CSMD1: variants seen among roughly 807,000 people sequenced by gnomAD.
CSMD1 encodes CUB and Sushi multiple domains 1, also known as CUB and sushi domain-containing protein 1.
Under a neutral mutation model 417.5 loss-of-function variants are expected in CSMD1, and 213 were observed. The observed-to-expected ratio is 0.51, with a 90% CI of 0.46 to 0.57. CSMD1 has a LOEUF of 0.57. Ranked by LOEUF, CSMD1 falls within the 20% of genes least tolerant of loss-of-function variation. The pLI is 0.00. For missense variants in CSMD1, 6,923 were observed against 4,529.7 expected, an observed-to-expected ratio of 1.53 and a Z score of -15.17; for synonymous variants, 2,862 against 1,736.8, an observed-to-expected ratio of 1.65 and a Z score of -16.11.
At chr8:4,405,730 A>G (rs1170547362) in intron 3 of CSMD1, among the ~76,000 whole-genome samples, 1 of 152,200 alleles carries the variant, frequency 6.6e-6, no homozygotes, top group East Asian at 1.9e-4. Context: ...ACCATCTTTG[A>G]AGTTAGTGCA....
At chr8:4,775,368 G>A (rs756250322) in intron 1 of CSMD1, among the ~76,000 whole-genome samples, 1 of 152,144 alleles carries the variant, frequency 6.6e-6, no homozygotes, top group Non-Finnish European at 1.5e-5. Context: ...ATAGAAAAGT[G>A]TTATTCAAAG....
At chr8:3,072,214 G>C (rs1288573645) in intron 49 of CSMD1, among the ~76,000 whole-genome samples, 1 of 152,152 alleles carries the variant, frequency 6.6e-6, no homozygotes, top group Non-Finnish European at 1.5e-5. Flanking sequence ...GAGGTCGAAA[G>C]TTTTGTTTAC....
At chr8:3,625,204 T>A (rs1796436439) in intron 7 of CSMD1, among the ~76,000 whole-genome samples, 1 of 152,220 alleles carries the variant, frequency 6.6e-6, no homozygotes, top group Non-Finnish European at 1.5e-5. Flanking sequence ...TGTTGACACT[T>A]GGATGATAAA....
intron 5 of CSMD1, among the ~76,000 whole-genome samples, chr8:3,996,885 G>C (rs778065658): frequency 6.6e-6 from 1 of 152,142 alleles, no homozygotes. Context: ...TCCAATAATC[G>C]GTTTAAAACA....
intron 12 of CSMD1, among the ~76,000 whole-genome samples, chr8:3,443,021 TTAAAA>T (rs1815089744): frequency 1.3e-5 from 2 of 152,222 alleles, no homozygotes; most frequent in Non-Finnish European, 2.9e-5. Context: ...ATATTTCTGT[TTAAAA>T]TGATAATTAC....
At chr8:3,521,490 T>C (rs935901476) in intron 10 of CSMD1, among the ~76,000 whole-genome samples, 3 of 152,170 alleles carry the variant, frequency 2.0e-5, no homozygotes, top group Non-Finnish European at 4.4e-5. Context: ...CTTGCTGTGG[T>C]CATGCCGGTC....
chr8:4,797,977 T>A (rs533290127), intron 1 of CSMD1, among the ~76,000 whole-genome samples: 99 of 152,276 alleles, frequency 6.5e-4, no homozygotes, highest in Non-Finnish European at 1.3e-3. Context: ...CCCAAATGCA[T>A]CTATGCAAAA....
chr8:4,226,904 TTTG>T (rs1185640487), intron 3 of CSMD1, among the ~76,000 whole-genome samples: 1 of 152,182 alleles, frequency 6.6e-6, no homozygotes, highest in Non-Finnish European at 1.5e-5. Flanking sequence ...TAAAGGATTT[TTTG>T]TTGTTGTTGT....
In CSMD1 at chr8:3,901,543, G is replaced by A. The variant is rs571454994; in HGVS notation, c.818+96360C>T. Among the ~76,000 whole-genome samples the A allele has an allele frequency of 5.9e-5, 9 of 152,300 alleles. No homozygotes were observed. In the East Asian group the frequency reaches 7.7e-4, roughly 13 times the overall value. ...TTTGGAACATGTACACCAACCTGCC[G>A]ATCACGTTTGCTCATAAAGTAGAGT... On this transcript the variant is annotated intron_variant, in intron 5 of 69. Coordinates refer to ENST00000635120, the MANE Select transcript of CSMD1 (RefSeq NM_033225.6).
intron 29 of CSMD1, among the ~76,000 whole-genome samples, chr8:3,217,735 T>G (rs962433024): frequency 5.3e-5 from 8 of 152,176 alleles, no homozygotes; most frequent in Admixed American, 5.2e-4. Flanking sequence ...TTGTACATTT[T>G]AGTAAATACC....
At chr8:3,255,508 G>A (rs1800584279) in intron 26 of CSMD1, among the ~76,000 whole-genome samples, 1 of 152,170 alleles carries the variant, frequency 6.6e-6, no homozygotes, top group Non-Finnish European at 1.5e-5. Flanking sequence ...AGCTGTGGTG[G>A]GCTCCACCCA....
chr8:4,180,772 G>C (rs562305560), intron 3 of CSMD1, among the ~76,000 whole-genome samples: 1 of 152,178 alleles, frequency 6.6e-6, no homozygotes, highest in South Asian at 2.1e-4. Context: ...CTAACATTGT[G>C]TTAATCTAAT....
intron 5 of CSMD1, among the ~76,000 whole-genome samples, chr8:3,988,866 T>A (rs148483063): frequency 3.3e-5 from 5 of 152,328 alleles, no homozygotes; most frequent in African/African-American, 1.2e-4. Flanking sequence ...TTATTACTGT[T>A]GTTATTGTCA....
At chr8:3,519,427 G>A (rs79853416) in intron 10 of CSMD1, among the ~76,000 whole-genome samples, 5 of 152,186 alleles carry the variant, frequency 3.3e-5, no homozygotes, top group African/African-American at 1.2e-4. Flanking sequence ...GCTGGTTCAT[G>A]TAAAAGATGA....
intron 26 of CSMD1, among the ~76,000 whole-genome samples, chr8:3,268,642 C>G (rs1801614177): frequency 6.6e-6 from 1 of 152,058 alleles, no homozygotes; most frequent in Non-Finnish European, 1.5e-5. Flanking sequence ...GTTCTCATTA[C>G]TGAAACAATT....
intron 10 of CSMD1, among the ~76,000 whole-genome samples, chr8:3,567,761 C>A (rs1179345099): frequency 6.6e-6 from 1 of 152,140 alleles, no homozygotes; most frequent in Non-Finnish European, 1.5e-5. Context: ...GACCTCTCTG[C>A]CCCCTTCCCT....
At chr8:3,267,453 G>A (rs757651038) in intron 26 of CSMD1, among the ~76,000 whole-genome samples, 2 of 152,192 alleles carry the variant, frequency 1.3e-5, no homozygotes, top group African/African-American at 2.4e-5. Flanking sequence ...GTTGGTGGCC[G>A]TGCATGTACA....
At position 3,199,883 on chromosome 8, in the gene CSMD1, G is replaced by A. The variant is rs1041924373; in HGVS notation, c.5099-74C>T. 17 of 829,862 alleles carry A rather than the reference G, an allele frequency of 2.0e-5. No individual in the cohort carries two copies. In the African/African-American group the frequency reaches 2.6e-4, roughly 13 times the overall value. The allele number at this position is 829,862 out of a possible 1,614,324, so 51.4% of individuals were successfully genotyped here. A position where few individuals can be genotyped will look rare whatever the true frequency, so the allele number is the denominator to read the frequency against. On this transcript the variant is annotated intron_variant, in intron 32 of 69. Coordinates refer to ENST00000635120, the MANE Select transcript of CSMD1 (RefSeq NM_033225.6). ...GGACGGTAGTATTTTGGAAAATGGTGATAAAGTTGAAATTTCACATTTATT... is the reference window on the plus strand; with the variant it reads ...GGACGGTAGTATTTTGGAAAATGGTAATAAAGTTGAAATTTCACATTTATT...
chr8:3,469,669 T>A (rs1003020502), intron 11 of CSMD1, among the ~76,000 whole-genome samples: 5 of 152,202 alleles, frequency 3.3e-5, no homozygotes, highest in Admixed American at 3.3e-4. Flanking sequence ...TTCAGCAAAG[T>A]AGTTTCAGGA....
Sources: gnomAD v4.1 joint callset for allele counts (sites outside exome capture counted in the v4.1 genomes callset) on GRCh38, gnomAD v4.1.1 for gene constraint, MANE v1.5 for transcripts, NCBI Gene and HGNC (gene_info 2026-07-23, HGNC 2026-07-21) for gene names.